AQP9: variants seen among roughly 807,000 people sequenced by gnomAD.
AQP9 encodes aquaporin 9.
A neutral mutation model predicts 23.8 loss-of-function variants in AQP9; 19 were observed. That is an observed-to-expected ratio of 0.80 (90% CI 0.56 to 1.17). The LOEUF (loss-of-function observed/expected upper bound fraction) is 1.17. Ranked by LOEUF, AQP9 falls within the 50% of genes most tolerant of loss-of-function variation. The pLI is 0.00. For missense variants in AQP9, 413 were observed against 362.0 expected (o/e 1.14, Z -1.14); for synonymous variants, 153 against 131.5 (o/e 1.16, Z -1.12).
chr15:58,169,875 A>G (rs3784248), intron 2 of AQP9, among the ~76,000 whole-genome samples: 23,234 of 152,168 alleles, frequency 0.15, 1,826 homozygotes, highest in Non-Finnish European at 0.17. Context: ...GAAAAAGCAA[A>G]TAGACTTGCT....
chr15:58,166,656 T>A lies in AQP9; in HGVS notation c.112-17T>A. Reference sequence around the variant, plus strand: ...TAGCCATCCCCACTTACCTGTTGAGTTTTCCTCTCATTCCAGGTCCTTGGA... The same window carrying A: ...TAGCCATCCCCACTTACCTGTTGAGATTTCCTCTCATTCCAGGTCCTTGGA... On this transcript the variant is annotated splice_polypyrimidine_tract_variant and intron_variant, in intron 1 of 5. Transcript: ENST00000219919. The A allele has an allele frequency of 6.2e-7, 1 of 1,602,520 alleles. No individual in the cohort carries two copies. Among genetic ancestry groups the A allele is most frequent in the Non-Finnish European group, 8.5e-7 (1 of 1,174,640 alleles).
intron 1 of AQP9, among the ~76,000 whole-genome samples, chr15:58,141,350 C>T (rs1431936300): frequency 6.6e-6 from 1 of 152,204 alleles, no homozygotes; most frequent in East Asian, 1.9e-4. Flanking sequence ...GGAAGGACAG[C>T]TTTCCAGGGC....
At chr15:58,145,289 G>A (rs1898025007) in intron 1 of AQP9, among the ~76,000 whole-genome samples, 1 of 152,026 alleles carries the variant, frequency 6.6e-6, no homozygotes, top group South Asian at 2.1e-4. Flanking sequence ...GATCACCTAA[G>A]GTCAGGAGTT....
At chr15:58,173,936 C>T (rs539387216) in intron 3 of AQP9, among the ~76,000 whole-genome samples, 1 of 152,016 alleles carries the variant, frequency 6.6e-6, no homozygotes, top group African/African-American at 2.4e-5. Flanking sequence ...TTATGACTTA[C>T]CCAAACTGAA....
chr15:58,153,653 C>G (rs1898192940), intron 1 of AQP9: 1 of 152,116 alleles, frequency 6.6e-6, no homozygotes, highest in African/African-American at 2.4e-5. Flanking sequence ...AACAAGACAT[C>G]TGAAAAATAG....
chr15:58,138,844 G>C (rs1369738094), intron 1 of AQP9, 168 bp downstream of exon 1: 1 of 585,888 alleles, frequency 1.7e-6, no homozygotes, highest in Admixed American at 3.3e-5. Flanking sequence ...TTTAGGGGTT[G>C]TGATATTAAG....
intron 1 of AQP9, among the ~76,000 whole-genome samples, chr15:58,162,434 G>A (rs1441346154): frequency 6.6e-6 from 1 of 152,178 alleles, no homozygotes; most frequent in African/African-American, 2.4e-5. Context: ...ATGTAAGGAA[G>A]GATGCTCCAA....
intron 1 of AQP9, among the ~76,000 whole-genome samples, chr15:58,149,032 C>G (rs1331286935): frequency 2.6e-5 from 4 of 152,164 alleles, no homozygotes; most frequent in Admixed American, 6.6e-5. Flanking sequence ...ATCCAGGTTT[C>G]AGTCTTGGTT....
Position 58,185,092 on chromosome 15 carries a change from T to C in AQP9, c.*957T>C, listed in dbSNP as rs1898992938. On this transcript the variant is annotated 3_prime_UTR_variant, in exon 6 of 6. Coordinates refer to ENST00000219919, the MANE Select transcript of AQP9 (RefSeq NM_020980.5). ...AGAGTGGGAGGTCTCCAAAAAGATA[T>C]TACCTTATTGGGCTTAACAATTCAC... 6.6e-6 allele frequency: 1 copy of C among 152,182 alleles called. No homozygotes were observed. The highest frequency in any genetic ancestry group is 2.1e-4 in the South Asian group (1 of 4,836). The allele number at this position is 152,182 out of a possible 1,614,324, so 9.4% of individuals were successfully genotyped here.
intron 1 of AQP9, among the ~76,000 whole-genome samples, chr15:58,149,106 G>A (rs1898101839): frequency 6.6e-6 from 1 of 152,174 alleles, no homozygotes; most frequent in Admixed American, 6.6e-5. Context: ...CTAACTGACA[G>A]GAAAGCTGTG....
chr15:58,141,231 T>C (rs1897947088), intron 1 of AQP9, among the ~76,000 whole-genome samples: 2 of 152,190 alleles, frequency 1.3e-5, no homozygotes, highest in African/African-American at 4.8e-5. Flanking sequence ...TACTACTCTA[T>C]ATATTCTCCT....
At chr15:58,148,216 G>A (rs550592093) in intron 1 of AQP9, among the ~76,000 whole-genome samples, 1 of 152,140 alleles carries the variant, frequency 6.6e-6, no homozygotes, top group Non-Finnish European at 1.5e-5. Flanking sequence ...CAAGAATTAA[G>A]TGAAAAAAAT....
chr15:58,143,677 A>G (rs1307068967), intron 1 of AQP9, among the ~76,000 whole-genome samples: 2 of 152,210 alleles, frequency 1.3e-5, no homozygotes, highest in Non-Finnish European at 2.9e-5. Flanking sequence ...ATCTTCTCCA[A>G]TTTGAGACTT....
chr15:58,163,410 A>T (rs577364946), intron 1 of AQP9, among the ~76,000 whole-genome samples: 57 of 147,526 alleles, frequency 3.9e-4, no homozygotes, highest in Non-Finnish European at 6.4e-4. Flanking sequence ...AATCAAAGAG[A>T]CTCACATATT....
intron 1 of AQP9, chr15:58,155,289 A>G (rs1404653910): frequency 2.0e-5 from 3 of 152,198 alleles, no homozygotes; most frequent in Admixed American, 6.5e-5. Flanking sequence ...TTATATTTCT[A>G]GAAACCTGAA....
intron 1 of AQP9, among the ~76,000 whole-genome samples, chr15:58,161,082 A>G (rs924169890): frequency 1.3e-5 from 2 of 152,086 alleles, no homozygotes; most frequent in Non-Finnish European, 2.9e-5. Context: ...TTTCCTGAGC[A>G]ATGGGGAGGT....
At position 58,142,791 on chromosome 15, in the gene AQP9, T is replaced by C. The variant is rs148194564; in HGVS notation, c.111+4115T>C. Among the ~76,000 whole-genome samples the C allele has an allele frequency of 2.4e-3, 363 of 152,292 alleles. 2 individuals carry two copies. The highest frequency in any genetic ancestry group is 8.2e-3 in the African/African-American group (340 of 41,552). On this transcript the variant is annotated intron_variant, in intron 1 of 5. Coordinates refer to ENST00000219919, the MANE Select transcript of AQP9 (RefSeq NM_020980.5). The stretch of plus-strand genomic sequence containing the variant: ...CTGTTTCCTCCATGCTTGGTTCTTC[T>C]AGCTTGCTATTTTACAAAACCATCC...
chr15:58,143,753 C>T (rs765802037), intron 1 of AQP9, among the ~76,000 whole-genome samples: 5 of 152,096 alleles, frequency 3.3e-5, no homozygotes, highest in African/African-American at 7.2e-5. Flanking sequence ...ATGTACCCAT[C>T]GCCCTCTCAC....
intron 5 of AQP9, among the ~76,000 whole-genome samples, chr15:58,181,921 A>G (rs1335514451): frequency 2.0e-5 from 3 of 152,070 alleles, no homozygotes; most frequent in African/African-American, 7.2e-5. Flanking sequence ...AGAGTGTCTC[A>G]TTTCCTCAGA....
Sources: gnomAD v4.1 joint callset for allele counts (sites outside exome capture counted in the v4.1 genomes callset) on GRCh38, gnomAD v4.1.1 for gene constraint, MANE v1.5 for transcripts, NCBI Gene and HGNC (gene_info 2026-07-23, HGNC 2026-07-21) for gene names.